FHIT: variants seen among roughly 807,000 people sequenced by gnomAD.
FHIT encodes the protein bis(5'-adenosyl)-triphosphatase.
FHIT carries 19 observed loss-of-function variants against 17.9 expected under a neutral mutation model. That is an observed-to-expected ratio of 1.06 (90% CI 0.74 to 1.56). FHIT has a LOEUF of 1.56. FHIT is among the 40% of genes most tolerant of loss of function. The pLI, the probability that FHIT is intolerant of heterozygous loss-of-function variation, is 0.00. For missense variants in FHIT, 248 were observed against 189.2 expected, an observed-to-expected ratio of 1.31 and a Z score of -1.82; for synonymous variants, 81 against 69.7, an observed-to-expected ratio of 1.16 and a Z score of -0.81.
intron 5 of FHIT, among the ~76,000 whole-genome samples, chr3:60,115,808 T>G (rs1233919187): frequency 6.6e-6 from 1 of 152,124 alleles, no homozygotes; most frequent in Non-Finnish European, 1.5e-5. Context: ...ACACAAAATG[T>G]ACAAACACGA....
chr3:59,829,396 T>G (rs1177056662), intron 8 of FHIT, among the ~76,000 whole-genome samples: 1 of 152,102 alleles, frequency 6.6e-6, no homozygotes, highest in African/African-American at 2.4e-5. Flanking sequence ...GCACCAGCAG[T>G]AGGAGGATGT....
intron 5 of FHIT, among the ~76,000 whole-genome samples, chr3:60,412,408 T>A (rs937809483): frequency 6.6e-6 from 1 of 151,920 alleles, no homozygotes; most frequent in Non-Finnish European, 1.5e-5. Flanking sequence ...TCCCTAGAGA[T>A]TCACAATCAT....
At chr3:60,860,047 A>C (rs1164222331) in intron 3 of FHIT, among the ~76,000 whole-genome samples, 3 of 148,872 alleles carry the variant, frequency 2.0e-5, no homozygotes, top group Admixed American at 6.7e-5. Flanking sequence ...CATCTCAAAA[A>C]AACAAAAAGA....
chr3:60,062,968 C>T (rs564195806), intron 5 of FHIT, among the ~76,000 whole-genome samples: 1 of 152,248 alleles, frequency 6.6e-6, no homozygotes, highest in South Asian at 2.1e-4. Context: ...GAAGAGTCAA[C>T]TGAGGAGCAA....
chr3:59,972,987 T>C (rs749823783), intron 7 of FHIT, among the ~76,000 whole-genome samples: 6 of 152,100 alleles, frequency 3.9e-5, no homozygotes, highest in Non-Finnish European at 7.4e-5. Context: ...CCTCTACTGA[T>C]AAAATCCCTC....
intron 7 of FHIT, among the ~76,000 whole-genome samples, chr3:60,003,724 A>G (rs768957041): frequency 2.6e-5 from 4 of 152,150 alleles, no homozygotes; most frequent in Non-Finnish European, 4.4e-5. Flanking sequence ...CAGCCTGGGC[A>G]ACAAAGCGAG....
intron 3 of FHIT, among the ~76,000 whole-genome samples, chr3:60,991,020 G>A (rs1031226287): frequency 6.6e-6 from 1 of 152,154 alleles, no homozygotes; most frequent in Non-Finnish European, 1.5e-5. Context: ...AACAAAATAA[G>A]TTTGGTAGTA....
chr3:60,508,019 G>GT (rs1267443047), intron 5 of FHIT, among the ~76,000 whole-genome samples: 5 of 152,096 alleles, frequency 3.3e-5, no homozygotes, highest in African/African-American at 1.2e-4. Flanking sequence ...AATGACAAAG[G>GT]TTTTTCAATG....
At chr3:59,784,175 C>G (rs190601414) in intron 8 of FHIT, among the ~76,000 whole-genome samples, 1 of 152,174 alleles carries the variant, frequency 6.6e-6, no homozygotes, top group Non-Finnish European at 1.5e-5. Flanking sequence ...TATGATATCC[C>G]TCATCCAGTC....
At chr3:60,192,026 G>A (rs1702421870) in intron 5 of FHIT, among the ~76,000 whole-genome samples, 1 of 151,938 alleles carries the variant, frequency 6.6e-6, no homozygotes, top group South Asian at 2.1e-4. Flanking sequence ...TGAGGCGGGT[G>A]GATTACTTGA....
At chr3:59,861,026 A>C (rs677703) in intron 8 of FHIT, among the ~76,000 whole-genome samples, 1 of 152,016 alleles carries the variant, frequency 6.6e-6, no homozygotes, top group African/African-American at 2.4e-5. Flanking sequence ...TCTGATGGAC[A>C]AAGCTCTGTG....
chr3:60,620,602 A>G (rs545521696), intron 4 of FHIT, among the ~76,000 whole-genome samples: 1 of 151,780 alleles, frequency 6.6e-6, no homozygotes, highest in Non-Finnish European at 1.5e-5. Flanking sequence ...AAAAAAAACT[A>G]TGAAGAGAAT....
chr3:61,106,761 A>G (rs2036002016), intron 2 of FHIT, among the ~76,000 whole-genome samples: 1 of 152,118 alleles, frequency 6.6e-6, no homozygotes, highest in Non-Finnish European at 1.5e-5. Context: ...CCTGGGTCCA[A>G]GTGATTCTTC....
intron 4 of FHIT, among the ~76,000 whole-genome samples, chr3:60,601,042 G>C (rs1435474303): frequency 2.0e-5 from 3 of 152,184 alleles, no homozygotes; most frequent in Non-Finnish European, 2.9e-5. Context: ...CCTGCCAGCA[G>C]AGGCTGGAAG....
At chr3:61,149,971 T>C (rs1260103329) in intron 2 of FHIT, among the ~76,000 whole-genome samples, 1 of 152,144 alleles carries the variant, frequency 6.6e-6, no homozygotes, top group African/African-American at 2.4e-5. Flanking sequence ...GGTACACTAG[T>C]CAAGTGTCAC....
intron 5 of FHIT, among the ~76,000 whole-genome samples, chr3:60,453,442 T>C (rs748299453): frequency 3.9e-4 from 60 of 152,196 alleles, no homozygotes; most frequent in Non-Finnish European, 1.6e-4. Context: ...AATGCTCCAA[T>C]GCCTCCGCCA....
intron 5 of FHIT, among the ~76,000 whole-genome samples, chr3:60,259,478 T>A (rs1425703410): frequency 6.6e-6 from 1 of 152,150 alleles, no homozygotes; most frequent in South Asian, 2.1e-4. Flanking sequence ...CATCAAAACA[T>A]TCTGAGGACA....
At chr3:60,325,873 G>A (rs535407605) in intron 5 of FHIT, among the ~76,000 whole-genome samples, 1 of 152,254 alleles carries the variant, frequency 6.6e-6, no homozygotes, top group African/African-American at 2.4e-5. Context: ...CTTACATTTT[G>A]GACTACACAA....
At chr3:60,889,676 G>A (rs1202276687) in intron 3 of FHIT, among the ~76,000 whole-genome samples, 1 of 152,092 alleles carries the variant, frequency 6.6e-6, no homozygotes, top group Admixed American at 6.6e-5. Flanking sequence ...AGCTGTATGG[G>A]TGGTTCATTT....
Sources: allele counts gnomAD v4.1 joint callset (sites outside exome capture counted in the v4.1 genomes callset), GRCh38; gene constraint gnomAD v4.1.1; transcripts MANE v1.5; gene names NCBI Gene and HGNC (gene_info 2026-07-23, HGNC 2026-07-21).